Variants in KCTD8 observed in about 807,000 individuals in gnomAD.
The protein encoded by KCTD8 is potassium channel tetramerization domain containing 8, also known as BTB/POZ domain-containing protein KCTD8.
In KCTD8, 27 loss-of-function variants were observed where a neutral mutation model predicts 31.5. The ratio of observed to expected loss-of-function variants is 0.86; its 90% CI spans 0.63 to 1.18. The LOEUF (loss-of-function observed/expected upper bound fraction) is 1.18. KCTD8 is among the 50% of genes most tolerant of loss of function. The probability of loss-of-function intolerance (pLI) is 0.00; values close to 1 mark genes in which losing one functional copy is unlikely to be tolerated. For missense variants in KCTD8, 658 were observed against 647.7 expected (o/e 1.02, Z -0.17); for synonymous variants, 290 against 280.0 (o/e 1.04, Z -0.36).
At chr4:44,263,932 A>T (rs1167745204) in intron 1 of KCTD8, among the ~76,000 whole-genome samples, 1 of 152,198 alleles carries the variant, frequency 6.6e-6, no homozygotes, top group African/African-American at 2.4e-5. Flanking sequence ...CTTGCCAGGA[A>T]CTACCTCCAA....
intron 1 of KCTD8, among the ~76,000 whole-genome samples, chr4:44,192,475 TACACACACACACACAC>T (rs34405384): frequency 8.0e-5 from 11 of 137,090 alleles, no homozygotes; most frequent in African/African-American, 2.7e-4. Flanking sequence ...TAAGCAAAGA[TACACACACACACACAC>T]ACACACACAC....
rs193181032 is a variant in KCTD8, at chr4:44,207,143, C to T, written c.962-31893G>A. ...ACTTGAACTCTCCATACGTTGGATT[C>T]CTAATACATAAAATAGAGACTGAAA... On this transcript the variant is annotated intron_variant, in intron 1 of 1. Transcript: ENST00000360029. Among the ~76,000 whole-genome samples, 363 of 152,204 alleles carry T rather than the reference C, an allele frequency of 2.4e-3. 3 individuals carry two copies. The highest frequency in any genetic ancestry group is 6.0e-3 in the South Asian group (29 of 4,822).
At chr4:44,255,957 G>T (rs970584300) in intron 1 of KCTD8, among the ~76,000 whole-genome samples, 3 of 151,954 alleles carry the variant, frequency 2.0e-5, no homozygotes, top group African/African-American at 7.2e-5. Context: ...CTCAGACTAG[G>T]TTATTTATAA....
chr4:44,209,133 T>C (rs1367208983), intron 1 of KCTD8, among the ~76,000 whole-genome samples: 3 of 152,138 alleles, frequency 2.0e-5, no homozygotes, highest in Non-Finnish European at 4.4e-5. Context: ...CAAGCAGTAA[T>C]ATTTAATGAT....
chr4:44,301,207 G>T (rs1157907555), intron 1 of KCTD8, among the ~76,000 whole-genome samples: 10 of 152,228 alleles, frequency 6.6e-5, no homozygotes, highest in South Asian at 2.1e-4. Context: ...AGCAGCATAA[G>T]TTATAGTCCT....
At chr4:44,291,883 A>G (rs901386816) in intron 1 of KCTD8, among the ~76,000 whole-genome samples, 2 of 151,742 alleles carry the variant, frequency 1.3e-5, no homozygotes, top group Non-Finnish European at 2.9e-5. Flanking sequence ...AACAGGCTCA[A>G]CATCACTGAT....
chr4:44,372,360 T>C (rs146821563), intron 1 of KCTD8, among the ~76,000 whole-genome samples: 16 of 152,264 alleles, frequency 1.1e-4, no homozygotes, highest in Admixed American at 2.6e-4. Flanking sequence ...CAAAAATTAC[T>C]GGTAAATTAG....
At chr4:44,208,904 T>C (rs889023545) in intron 1 of KCTD8, among the ~76,000 whole-genome samples, 3 of 152,188 alleles carry the variant, frequency 2.0e-5, no homozygotes, top group Non-Finnish European at 4.4e-5. Context: ...CAGTTTAAGG[T>C]TCATCTTTTG....
At chr4:44,178,400 C>G (rs1313125313) in intron 1 of KCTD8, among the ~76,000 whole-genome samples, 1 of 151,974 alleles carries the variant, frequency 6.6e-6, no homozygotes, top group Non-Finnish European at 1.5e-5. Context: ...CTTTAGTTAC[C>G]TTTATGGCTG....
chr4:44,253,001 A>C (rs1039237629), intron 1 of KCTD8, among the ~76,000 whole-genome samples: 25 of 151,910 alleles, frequency 1.6e-4, no homozygotes, highest in African/African-American at 5.8e-4. Context: ...CCATTCACTG[A>C]ATGGCTGAAA....
chr4:44,239,242 G>T (rs1199257820), intron 1 of KCTD8, among the ~76,000 whole-genome samples: 1 of 152,144 alleles, frequency 6.6e-6, no homozygotes, highest in Admixed American at 6.5e-5. Context: ...TTTTGATGTT[G>T]TCGTGGACTC....
chr4:44,228,335 C>T (rs1018465965), intron 1 of KCTD8, among the ~76,000 whole-genome samples: 10 of 151,984 alleles, frequency 6.6e-5, no homozygotes, highest in East Asian at 1.9e-4. Flanking sequence ...CTTATTAGGA[C>T]GTAAGTCATA....
intron 1 of KCTD8, among the ~76,000 whole-genome samples, chr4:44,416,148 T>C (rs1721074723): frequency 6.6e-6 from 1 of 152,244 alleles, no homozygotes; most frequent in Non-Finnish European, 1.5e-5. Flanking sequence ...TAAGATTTAA[T>C]GATGCCCTGC....
chr4:44,252,864 C>T (rs907109091), intron 1 of KCTD8, among the ~76,000 whole-genome samples: 2 of 151,674 alleles, frequency 1.3e-5, no homozygotes, highest in African/African-American at 4.8e-5. Context: ...AAAAGAGGCA[C>T]TTCCTTACTT....
Position 44,430,064 on chromosome 4 carries a change from A to C in KCTD8, c.961+17499T>G, listed in dbSNP as rs572662336. 3.9e-5 allele frequency among the ~76,000 whole-genome samples: 6 copies of C among 151,928 alleles called. No homozygotes were observed. In the East Asian group the frequency reaches 1.2e-3, roughly 29 times the overall value. ...AAACACAAAAAATAAAGTTATACTA[A>C]GAATGTACTGTTAAAATTAGAAGTC... On this transcript the variant is annotated intron_variant, in intron 1 of 1. Transcript: ENST00000360029.
In KCTD8 at chr4:44,213,151, TG is replaced by T. The variant is rs558509221; in HGVS notation, c.962-37902del. ...ACGGGTTTCACCATCTTAGCCAGGATGGTCTTGATCTCCTGACCTCGTGATC... is the reference window on the plus strand; with the variant it reads ...ACGGGTTTCACCATCTTAGCCAGGATGTCTTGATCTCCTGACCTCGTGATC... On this transcript the variant is annotated intron_variant, in intron 1 of 1. Transcript: ENST00000360029. 5.3e-3 allele frequency among the ~76,000 whole-genome samples: 809 copies of T among 152,284 alleles called. 8 individuals are homozygous for T. The highest frequency in any genetic ancestry group is 0.018 in the African/African-American group (767 of 41,562).
intron 1 of KCTD8, among the ~76,000 whole-genome samples, chr4:44,277,173 T>C (rs896939570): frequency 1.3e-5 from 2 of 151,600 alleles, no homozygotes; most frequent in African/African-American, 2.4e-5. Context: ...ACTCCTAAAA[T>C]GAGTACCTCA....
intron 1 of KCTD8, among the ~76,000 whole-genome samples, chr4:44,226,483 T>C (rs956105962): frequency 5.3e-5 from 8 of 152,174 alleles, no homozygotes; most frequent in Non-Finnish European, 1.0e-4. Flanking sequence ...CTATTGTAAA[T>C]AGTGTTGCAA....
At chr4:44,201,397 T>C (rs976342176) in intron 1 of KCTD8, among the ~76,000 whole-genome samples, 1 of 151,948 alleles carries the variant, frequency 6.6e-6, no homozygotes, top group Admixed American at 6.6e-5. Flanking sequence ...ACATTACCCA[T>C]TTTCAAAGTA....
Sources: gnomAD v4.1 joint callset for allele counts (sites outside exome capture counted in the v4.1 genomes callset) on GRCh38, gnomAD v4.1.1 for gene constraint, MANE v1.5 for transcripts, NCBI Gene and HGNC (gene_info 2026-07-23, HGNC 2026-07-21) for gene names.